The following SLC22A7 variants were observed in gnomAD, a reference collection of about 807,000 sequenced individuals.
The protein encoded by SLC22A7 is solute carrier family 22 member 7.
In SLC22A7, 48 loss-of-function variants were observed where a neutral mutation model predicts 62.2. The ratio of observed to expected loss-of-function variants is 0.77; its 90% CI spans 0.61 to 0.98. SLC22A7 has a LOEUF of 0.98. Among genes scored for constraint, SLC22A7 ranks in the 50% least tolerant of loss-of-function variants. The probability of loss-of-function intolerance (pLI) is 0.00; values close to 1 mark genes in which losing one functional copy is unlikely to be tolerated. For missense variants in SLC22A7, 581 were observed against 703.8 expected (o/e 0.83, Z 1.97); for synonymous variants, 276 against 314.8 (o/e 0.88, Z 1.30).
intron 5 of SLC22A7, 111 bp downstream of exon 5, chr6:43,300,177 C>T (rs775469121): frequency 3.6e-4 from 404 of 1,116,446 alleles, no homozygotes; most frequent in Non-Finnish European, 4.8e-4. Context: ...GAAAGAGAAA[C>T]GAAGTGACCA....
chr6:43,299,992 G>C lies in SLC22A7; in HGVS notation c.753G>C (p.Gly251=). 6.2e-7 allele frequency: 1 copy of C among 1,614,192 alleles called. No individual in the cohort carries two copies. Among genetic ancestry groups the C allele is most frequent in the South Asian group, 1.1e-5 (1 of 91,088 alleles). The stretch of plus-strand genomic sequence containing the variant: ...GCGTGATGCTGCTGGCACTGGTTGG[G>C]TACCTGATACGGGACTGGCGATGGC... ...TGGVMLLALV[G]YLIRDWRWLL... is the part of the protein sequence containing the mutation. Residue 251 remains glycine (G), a synonymous_variant, in exon 5 of 11, where the codon GGG becomes GGC. Transcript: ENST00000372585. The surrounding 1 kb of genome is among the most constrained non-coding windows in gnomAD (Gnocchi z 4.4).
chr6:43,298,388 G>A lies in SLC22A7; in HGVS notation c.30G>A (p.Val10=). 1.2e-6 allele frequency: 2 copies of A among 1,613,156 alleles called. No homozygotes were observed. The highest frequency in any genetic ancestry group is 1.7e-6 in the Non-Finnish European group (2 of 1,179,396). The change falls in exon 1 of 11, where the codon GTG becomes GTA. Residue 10 remains valine (V), a synonymous_variant. Coordinates refer to ENST00000372585, the MANE Select transcript of SLC22A7 (RefSeq NM_153320.2). ...GCTTTGAGGAGCTGCTGGAGCAGGT[G>A]GGCGGCTTTGGGCCCTTCCAACTGC... The part of the protein sequence containing the change: MGFEELLEQ[V]GGFGPFQLRN...
rs79010046 is a variant in SLC22A7, at chr6:43,302,864, T to A, written c.1385+101T>A. On this transcript the variant is annotated intron_variant, in intron 9 of 10. Coordinates refer to ENST00000372585, the MANE Select transcript of SLC22A7 (RefSeq NM_153320.2). The surrounding 1 kb of genome is among the most constrained non-coding windows in gnomAD (Gnocchi z 5.0). The stretch of plus-strand genomic sequence containing the variant: ...GCACCACAACCTGGTCTCTCACTCA[T>A]TTTTTTTTTAATTTTAATTTTTGGT... 9.7e-6 allele frequency: 6 copies of A among 618,434 alleles called. No homozygotes were observed. The highest frequency in any genetic ancestry group is 7.7e-5 in the African/African-American group (4 of 52,100). The allele number at this position is 618,434 out of a possible 1,614,324, so 38.3% of individuals were successfully genotyped here.
rs766329574 is a variant in SLC22A7, at chr6:43,299,111, T to C, written c.399+14T>C. ...TTCCAGTCCCAGGTCGGTATTTACA[T>C]AATCCATCTGGAGGTGGAATGTCGG... On this transcript the variant is annotated intron_variant, in intron 2 of 10. Transcript: ENST00000372585. The surrounding 1 kb of genome is among the most constrained non-coding windows in gnomAD (Gnocchi z 4.4). 6.2e-7 allele frequency: 1 copy of C among 1,613,410 alleles called. No individual in the cohort carries two copies. Among genetic ancestry groups the C allele is most frequent in the Non-Finnish European group, 8.5e-7 (1 of 1,179,664 alleles).
chr6:43,299,635 G>A lies in SLC22A7; in HGVS notation c.512G>A (p.Arg171Gln), dbSNP rs746272395. ...AFGYLSDRFGRRRLLLVAYVS... is the reference protein window; with the variant it reads ...AFGYLSDRFGQRRLLLVAYVS... ...GCATGACCCCTTTGCAGGTTTGGGCGGCGGCGTCTGCTGCTGGTAGCCTAC... is the reference window on the plus strand; with the variant it reads ...GCATGACCCCTTTGCAGGTTTGGGCAGCGGCGTCTGCTGCTGGTAGCCTAC... Residue 171 changes from arginine to glutamine, a missense_variant, in exon 4 of 11, where the codon CGG becomes CAG. By Grantham distance (43) the Arg-to-Gln change is conservative. Coordinates refer to ENST00000372585, the MANE Select transcript of SLC22A7 (RefSeq NM_153320.2). This position sits in a 1 kb window ranked among gnomAD's most constrained non-coding sequence, Gnocchi z 4.4. 14 of 1,614,154 alleles carry A rather than the reference G, an allele frequency of 8.7e-6. No homozygotes were observed. The highest frequency in any genetic ancestry group is 2.2e-5 in the South Asian group (2 of 91,084).
At position 43,302,801 on chromosome 6, in the gene SLC22A7, T is replaced by G; in HGVS notation, c.1385+38T>G. The G allele has an allele frequency of 1.5e-6, 2 of 1,368,036 alleles. No individual in the cohort carries two copies. The highest frequency in any genetic ancestry group is 2.4e-5 in the South Asian group (2 of 83,056). The allele number at this position is 1,368,036 out of a possible 1,614,324, so 84.7% of individuals were successfully genotyped here. On this transcript the variant is annotated intron_variant, in intron 9 of 10. Coordinates refer to ENST00000372585, the MANE Select transcript of SLC22A7 (RefSeq NM_153320.2). This position sits in a 1 kb window ranked among gnomAD's most constrained non-coding sequence, Gnocchi z 5.0. Reference sequence around the variant, plus strand: ...GCAACTGATCTGGGGGTATGGGGCTTGTTAGTCACGTGTCTTAACCAACAC... The same window carrying G: ...GCAACTGATCTGGGGGTATGGGGCTGGTTAGTCACGTGTCTTAACCAACAC...
intron 9 of SLC22A7, chr6:43,303,272 C>A: frequency 2.3e-6 from 1 of 429,016 alleles, no homozygotes; most frequent in Non-Finnish European, 3.1e-6. Flanking sequence ...ACCAGCCTGA[C>A]CAACATGGTG....
Position 43,304,317 on chromosome 6 carries a change from C to G in SLC22A7, c.1592+73C>G. 2.3e-6 allele frequency: 3 copies of G among 1,282,668 alleles called. No individual in the cohort carries two copies. In the South Asian group the frequency reaches 4.8e-5, roughly 20 times the overall value. The allele number at this position is 1,282,668 out of a possible 1,614,324, so 79.5% of individuals were successfully genotyped here. On this transcript the variant is annotated intron_variant, in intron 10 of 10. Coordinates refer to ENST00000372585, the MANE Select transcript of SLC22A7 (RefSeq NM_153320.2). ...GATGCAGGTGCTCAGATACCTGACA[C>G]CTTAGGATTCAGACAGGAAACTATA...
chr6:43,297,494 G>A (rs1778587122), upstream of SLC22A7, among the ~76,000 whole-genome samples: 1 of 152,156 alleles, frequency 6.6e-6, no homozygotes, highest in Non-Finnish European at 1.5e-5. Context: ...TTGAGTCTTA[G>A]GTATTGCATG....
In SLC22A7 at chr6:43,299,586, C is replaced by A. The variant is rs766060835; in HGVS notation, c.504-41C>A. On this transcript the variant is annotated intron_variant, in intron 3 of 10. Coordinates refer to ENST00000372585, the MANE Select transcript of SLC22A7 (RefSeq NM_153320.2). The surrounding 1 kb of genome is among the most constrained non-coding windows in gnomAD (Gnocchi z 4.4). ...GCCTAGTCTACCTATGCCTTAGAAC[C>A]TCCTTCCACAGGGAACTGACCCTGC... 7 of 1,613,622 alleles carry A rather than the reference C, an allele frequency of 4.3e-6. No homozygotes were observed. Among genetic ancestry groups the A allele is most frequent in the Non-Finnish European group, 5.9e-6 (7 of 1,179,730 alleles).
intron 5 of SLC22A7, among the ~76,000 whole-genome samples, chr6:43,300,403 C>A (rs965322016): frequency 6.6e-6 from 1 of 152,018 alleles, no homozygotes; most frequent in Admixed American, 6.6e-5. Flanking sequence ...GGAGGACAGG[C>A]AGGGTGGGCA....
intron 9 of SLC22A7, 96 bp from the exon 10 acceptor site, chr6:43,303,942 A>G (rs1778849239): frequency 1.9e-6 from 2 of 1,030,276 alleles, no homozygotes; most frequent in Admixed American, 5.7e-5. Context: ...AGAAGGGAGT[A>G]TCAGGGCCTG....
At position 43,298,506 on chromosome 6, in the gene SLC22A7, G is replaced by T. The variant is rs761480899; in HGVS notation, c.148G>T (p.Ala50Ser). 4 of 1,613,398 alleles carry T rather than the reference G, an allele frequency of 2.5e-6. No individual in the cohort carries two copies. Among genetic ancestry groups the T allele is most frequent in the Non-Finnish European group, 3.4e-6 (4 of 1,180,048 alleles). The change falls in exon 1 of 11, where the codon GCC (alanine) becomes TCC (serine). Residue 50 changes from alanine (A) to serine (S), a missense_variant. Coordinates refer to ENST00000372585, the MANE Select transcript of SLC22A7 (RefSeq NM_153320.2). ...GGCTGCCGTGCCTGCCCACCGATGT[G>T]CCCTGCCGGGTGCCCCTGCCAACTT... Reference protein sequence around the residue: ...FLAAVPAHRCALPGAPANFSH... With the variant: ...FLAAVPAHRCSLPGAPANFSH...
In SLC22A7 at chr6:43,299,877, C is replaced by T; in HGVS notation, c.659-21C>T. The T allele has an allele frequency of 2.5e-6, 4 of 1,614,228 alleles. No homozygotes were observed. The highest frequency in any genetic ancestry group is 3.4e-6 in the Non-Finnish European group (4 of 1,180,038). On this transcript the variant is annotated intron_variant, in intron 4 of 10. Transcript: ENST00000372585. The surrounding 1 kb of genome is among the most constrained non-coding windows in gnomAD (Gnocchi z 4.4). The stretch of plus-strand genomic sequence containing the variant: ...CATCTGGTCCTCACTAACCATCTTC[C>T]TGTCTCCTGTCCTGGCCCAGAGCTG...
At position 43,304,809 on chromosome 6, in the gene SLC22A7, G is replaced by C. The variant is rs1338759700; in HGVS notation, c.*84G>C. The C allele has an allele frequency of 1.7e-6, 2 of 1,154,262 alleles. No individual in the cohort carries two copies. The highest frequency in any genetic ancestry group is 3.2e-5 in the African/African-American group (2 of 63,046). The allele number at this position is 1,154,262 out of a possible 1,614,324, so 71.5% of individuals were successfully genotyped here. A position where few individuals can be genotyped will look rare whatever the true frequency, so the allele number is the denominator to read the frequency against. On this transcript the variant is annotated 3_prime_UTR_variant, in exon 11 of 11. Coordinates refer to ENST00000372585, the MANE Select transcript of SLC22A7 (RefSeq NM_153320.2). ...GGGCAGGCCCTGCAACTCAGGCTGG[G>C]AGTATCGAACCCTCTGCCTAGGGCC...
Position 43,299,313 on chromosome 6 carries a change from G to C in SLC22A7, c.400-77G>C. 3 of 1,606,742 alleles carry C rather than the reference G, an allele frequency of 1.9e-6. No individual in the cohort carries two copies. The highest frequency in any genetic ancestry group is 2.6e-6 in the Non-Finnish European group (3 of 1,175,854). On this transcript the variant is annotated intron_variant, in intron 2 of 10. Coordinates refer to ENST00000372585, the MANE Select transcript of SLC22A7 (RefSeq NM_153320.2). The surrounding 1 kb of genome is among the most constrained non-coding windows in gnomAD (Gnocchi z 4.4). ...AGAGTTCGCCTCAGAAGGCTCCAGG[G>C]TCTGGAGAGGAGGAGCTGGTGCCTG... is the stretch of plus-strand genomic sequence containing the variant.
chr6:43,299,360 TAGG>T lies in SLC22A7; in HGVS notation c.400-26_400-24del. The T allele has an allele frequency of 6.2e-7, 1 of 1,612,742 alleles. No individual in the cohort carries two copies. Among genetic ancestry groups the T allele is most frequent in the Non-Finnish European group, 8.5e-7 (1 of 1,178,806 alleles). On this transcript the variant is annotated intron_variant, in intron 2 of 10. Coordinates refer to ENST00000372585, the MANE Select transcript of SLC22A7 (RefSeq NM_153320.2). This position sits in a 1 kb window ranked among gnomAD's most constrained non-coding sequence, Gnocchi z 4.4. ...CCTGCTGGAGAGGGGCTGATGTTCA[TAGG>T]AGGTCCCTTTCTGCCTGTCCTTGCA...
rs1463442777 is a variant in SLC22A7 at position 43,299,878 on chromosome 6, T to C, written c.659-20T>C. The C allele has an allele frequency of 1.2e-6, 2 of 1,614,100 alleles. No individual in the cohort carries two copies. Among genetic ancestry groups the C allele is most frequent in the Non-Finnish European group, 1.7e-6 (2 of 1,180,040 alleles). On this transcript the variant is annotated intron_variant, in intron 4 of 10. Transcript: ENST00000372585. This position sits in a 1 kb window ranked among gnomAD's most constrained non-coding sequence, Gnocchi z 4.4. ...ATCTGGTCCTCACTAACCATCTTCCTGTCTCCTGTCCTGGCCCAGAGCTGG... is the reference window on the plus strand; with the variant it reads ...ATCTGGTCCTCACTAACCATCTTCCCGTCTCCTGTCCTGGCCCAGAGCTGG...
chr6:43,301,422 C>T lies in SLC22A7; in HGVS notation c.952-161C>T, dbSNP rs41275950. 534 of 1,119,408 alleles carry T rather than the reference C, an allele frequency of 4.8e-4. 2 individuals carry two copies. The Middle Eastern group carries it at 5.9e-3, about 12-fold the overall frequency. The allele number at this position is 1,119,408 out of a possible 1,614,324, so 69.3% of individuals were successfully genotyped here. A position where few individuals can be genotyped will look rare whatever the true frequency, so the allele number is the denominator to read the frequency against. Reference sequence around the variant, plus strand: ...GATGTCCTACCTGGCTCCAGTGGGCCACATCCATCATTCGAGACCCACTCG... The same window carrying T: ...GATGTCCTACCTGGCTCCAGTGGGCTACATCCATCATTCGAGACCCACTCG... On this transcript the variant is annotated intron_variant, in intron 6 of 10. Coordinates refer to ENST00000372585, the MANE Select transcript of SLC22A7 (RefSeq NM_153320.2).
Sources: allele counts gnomAD v4.1 joint callset (sites outside exome capture counted in the v4.1 genomes callset), GRCh38; gene constraint gnomAD v4.1.1; non-coding constraint Gnocchi (gnomAD v3.1); transcripts MANE v1.5; gene names NCBI Gene and HGNC (gene_info 2026-07-23, HGNC 2026-07-21).